The following GPAT4 variants were observed in gnomAD, a reference collection of about 807,000 sequenced individuals.
The protein encoded by GPAT4 is 1-AGP acyltransferase 6.
Under a neutral mutation model 58.0 loss-of-function variants are expected in GPAT4, and 17 were observed. The observed-to-expected ratio is 0.29, with a 90% CI of 0.20 to 0.44. The LOEUF is 0.44. GPAT4 is among the 20% of genes least tolerant of loss of function. The pLI is 1.00. For synonymous variants in GPAT4, 204 were observed against 210.1 expected (o/e 0.97, Z 0.25); for missense variants, 377 against 574.5 (o/e 0.66, Z 3.51).
chr8:41,602,682 G>T (rs1005299589), intron 2 of GPAT4, among the ~76,000 whole-genome samples: 27 of 152,192 alleles, frequency 1.8e-4, no homozygotes, highest in African/African-American at 6.3e-4. Flanking sequence ...ACACTTGTGG[G>T]TGTTTATGTG....
intron 2 of GPAT4, among the ~76,000 whole-genome samples, chr8:41,607,851 T>C (rs1803325800): frequency 6.6e-6 from 1 of 152,152 alleles, no homozygotes; most frequent in Non-Finnish European, 1.5e-5. Flanking sequence ...CTCTTCTGAT[T>C]ATTCTTGCAG....
In GPAT4 at chr8:41,615,106, A is replaced by C. The variant is rs1225118182; in HGVS notation, c.1053+58A>C. ...ACTGGAGCTGCTGTGAGTGGGGTGC[A>C]GCAGGAGGAGGTAGAGGAAGGAGCT... On this transcript the variant is annotated intron_variant, in intron 10 of 12. Coordinates refer to ENST00000396987, the MANE Select transcript of GPAT4 (RefSeq NM_178819.4). 8.1e-6 allele frequency: 12 copies of C among 1,474,800 alleles called. No homozygotes were observed. In the Admixed American group the frequency reaches 2.1e-4, roughly 25 times the overall value. 91.4% of individuals were successfully genotyped at this position (1,474,800 alleles called of 1,614,324 possible). A position where few individuals can be genotyped will look rare whatever the true frequency, so the allele number is the denominator to read the frequency against.
At position 41,621,774 on chromosome 8, in the gene GPAT4, T is replaced by C. The variant is rs36068895; in HGVS notation, c.*773T>C. The C allele has an allele frequency of 0.081, 12,265 of 152,328 alleles. 552 individuals are homozygous for C. Among genetic ancestry groups the C allele is most frequent in the Middle Eastern group, 0.14 (41 of 294 alleles). 9.4% of individuals were successfully genotyped at this position (152,328 alleles called of 1,614,324 possible). A position where few individuals can be genotyped will look rare whatever the true frequency, so the allele number is the denominator to read the frequency against. The stretch of plus-strand genomic sequence containing the variant: ...AGGGCTGTTGTGGGGATTAAAGTGC[T>C]GCGGGTGAGTGAAGGACACATCACG... On this transcript the variant is annotated 3_prime_UTR_variant, in exon 13 of 13. Transcript: ENST00000396987.
In GPAT4 at chr8:41,624,996, A is replaced by G. The variant is rs1338886601; in HGVS notation, c.*3995A>G. 1.3e-5 allele frequency: 2 copies of G among 152,226 alleles called. No individual in the cohort carries two copies. Among genetic ancestry groups the G allele is most frequent in the Non-Finnish European group, 2.9e-5 (2 of 68,038 alleles). The allele number at this position is 152,226 out of a possible 1,614,324, so 9.4% of individuals were successfully genotyped here. A position where few individuals can be genotyped will look rare whatever the true frequency, so the allele number is the denominator to read the frequency against. ...TTGTAAGTCAATAAATTTTTATTAA[A>G]CAGTGTGGCTCTTTGATTTATTAAA... On this transcript the variant is annotated 3_prime_UTR_variant, in exon 13 of 13. Coordinates refer to ENST00000396987, the MANE Select transcript of GPAT4 (RefSeq NM_178819.4).
At chr8:41,596,075 A>T (rs1274996439) in intron 1 of GPAT4, among the ~76,000 whole-genome samples, 5 of 152,110 alleles carry the variant, frequency 3.3e-5, no homozygotes, top group Admixed American at 2.0e-4. Context: ...GCCACCTCTA[A>T]TGTTGGCCAG....
At chr8:41,597,282 T>C (rs763515159) in intron 1 of GPAT4, among the ~76,000 whole-genome samples, 5 of 152,228 alleles carry the variant, frequency 3.3e-5, no homozygotes, top group Non-Finnish European at 7.3e-5. Flanking sequence ...GTTCAATTTC[T>C]TGTACTTCTA....
At position 41,609,485 on chromosome 8, in the gene GPAT4, G is replaced by A. The variant is rs1563276951; in HGVS notation, c.235G>A (p.Gly79Arg). Reference sequence around the variant, plus strand: ...CCAGCTTTACAAGCCCTACACCAACGGTAAGATGGGGGTGTGATCCTTGTC... The same window carrying A: ...CCAGCTTTACAAGCCCTACACCAACAGTAAGATGGGGGTGTGATCCTTGTC... The part of the protein sequence containing the change: ...NHQLYKPYTN[G>R]IIAKDPTSLE... Residue 79 changes from glycine to arginine, a missense_variant and splice_region_variant, in exon 3 of 13, where the codon GGA becomes AGA. Gly to Arg is a moderately radical substitution (Grantham distance 125). Coordinates refer to ENST00000396987, the MANE Select transcript of GPAT4 (RefSeq NM_178819.4). 3 of 1,614,022 alleles carry A rather than the reference G, an allele frequency of 1.9e-6. No individual in the cohort carries two copies. Among genetic ancestry groups the A allele is most frequent in the African/African-American group, 1.3e-5 (1 of 75,014 alleles).
chr8:41,618,394 G>T, intron 10 of GPAT4: 1 of 445,114 alleles, frequency 2.2e-6, no homozygotes, highest in Non-Finnish European at 4.1e-6. Context: ...ATATACCTAT[G>T]AGTAAGACCT....
chr8:41,598,620 T>C lies in GPAT4; in HGVS notation c.-520T>C, dbSNP rs559017757. The stretch of plus-strand genomic sequence containing the variant: ...GTTATTTAATTTCCACATATTCAAG[T>C]CAAAAGCCTTCTGTGTGAAGTGCCA... On this transcript the variant is annotated 5_prime_UTR_variant, in exon 2 of 13. Coordinates refer to ENST00000396987, the MANE Select transcript of GPAT4 (RefSeq NM_178819.4). 2 of 152,796 alleles carry C rather than the reference T, an allele frequency of 1.3e-5. No individual in the cohort carries two copies. Among genetic ancestry groups the C allele is most frequent in the South Asian group, 4.1e-4 (2 of 4,824 alleles). The allele number at this position is 152,796 out of a possible 1,614,324, so 9.5% of individuals were successfully genotyped here. A position where few individuals can be genotyped will look rare whatever the true frequency, so the allele number is the denominator to read the frequency against.
chr8:41,612,129 A>ATGAAC, intron 6 of GPAT4, 51 bp from the exon 7 acceptor site: 1 of 1,602,288 alleles, frequency 6.2e-7, no homozygotes, highest in African/African-American at 1.3e-5. Flanking sequence ...GGTGTGTTAC[A>ATGAAC]TGAACTGTTT....
intron 1 of GPAT4, among the ~76,000 whole-genome samples, chr8:41,586,262 T>A (rs1045737402): frequency 5.0e-4 from 76 of 152,252 alleles, no homozygotes; most frequent in African/African-American, 1.8e-3. Flanking sequence ...TTCATTTTTA[T>A]GGCCAAAGGT....
In GPAT4 at chr8:41,599,031, C is replaced by G; in HGVS notation, c.-109C>G. 3 of 1,418,848 alleles carry G rather than the reference C, an allele frequency of 2.1e-6. No individual in the cohort carries two copies. Among genetic ancestry groups the G allele is most frequent in the South Asian group, 1.4e-5 (1 of 71,150 alleles). The allele number at this position is 1,418,848 out of a possible 1,614,324, so 87.9% of individuals were successfully genotyped here. ...GGACTTTGGAATGGGGTTTGCTGTT[C>G]TTCGGGAACTTGCTTCCTTTCCCTG... On this transcript the variant is annotated 5_prime_UTR_variant, in exon 2 of 13. Transcript: ENST00000396987.
chr8:41,581,939 T>C (rs556875177), intron 1 of GPAT4, among the ~76,000 whole-genome samples: 121 of 139,942 alleles, frequency 8.6e-4, no homozygotes, highest in East Asian at 2.0e-3. Flanking sequence ...GGCCGACTTG[T>C]TTGAATTAAA....
At chr8:41,611,758 A>C in intron 5 of GPAT4, 145 bp from the exon 6 acceptor site, 1 of 647,420 alleles carries the variant, frequency 1.5e-6, no homozygotes. Context: ...AAAGGTGCTC[A>C]TGCATCACAG....
intron 1 of GPAT4, among the ~76,000 whole-genome samples, chr8:41,587,299 A>G (rs893670804): frequency 8.5e-5 from 13 of 152,236 alleles, no homozygotes; most frequent in African/African-American, 2.7e-4. Context: ...AGAGGCATAT[A>G]AACACCTTTA....
intron 10 of GPAT4, 151 bp from the exon 11 acceptor site, chr8:41,618,533 G>A: frequency 1.0e-6 from 1 of 966,784 alleles, no homozygotes; most frequent in African/African-American, 1.6e-5. Context: ...CCGGCCACAT[G>A]GAGAGGGGCT....
intron 10 of GPAT4, among the ~76,000 whole-genome samples, chr8:41,615,528 A>G (rs1803572757): frequency 6.6e-6 from 1 of 152,076 alleles, no homozygotes; most frequent in South Asian, 2.1e-4. Flanking sequence ...TTAGACCTAC[A>G]ACAGCTCCTA....
At chr8:41,587,039 A>G (rs1174502586) in intron 1 of GPAT4, among the ~76,000 whole-genome samples, 1 of 152,228 alleles carries the variant, frequency 6.6e-6, no homozygotes, top group Admixed American at 6.5e-5. Flanking sequence ...CTGAGGGCCC[A>G]CGTGGCTCAT....
intron 1 of GPAT4, among the ~76,000 whole-genome samples, chr8:41,597,114 C>T (rs1333312774): frequency 1.3e-5 from 2 of 152,178 alleles, no homozygotes; most frequent in Non-Finnish European, 2.9e-5. Context: ...GCCCATGGCA[C>T]GATGCTGGGC....
Sources: gnomAD v4.1 joint callset for allele counts (sites outside exome capture counted in the v4.1 genomes callset) on GRCh38, gnomAD v4.1.1 for gene constraint, MANE v1.5 for transcripts, NCBI Gene and HGNC (gene_info 2026-07-23, HGNC 2026-07-21) for gene names.